Variants in E2F1 observed in about 807,000 individuals in gnomAD.
The protein encoded by E2F1 is E2F transcription factor 1.
E2F1 carries 7 observed loss-of-function variants against 36.9 expected under a neutral mutation model. The ratio of observed to expected loss-of-function variants is 0.19; its 90% CI spans 0.11 to 0.36. The LOEUF is 0.36. Among genes scored for constraint, E2F1 ranks in the 10% least tolerant of loss-of-function variants. The pLI is 1.00. For synonymous variants in E2F1, 261 were observed against 263.1 expected, an observed-to-expected ratio of 0.99 and a Z score of 0.08; for missense variants, 406 against 573.6, an observed-to-expected ratio of 0.71 and a Z score of 2.99.
rs551329528 is a variant in E2F1, at chr20:33,680,680, T to C, written c.262-264A>G. Among the ~76,000 whole-genome samples the C allele has an allele frequency of 3.9e-5, 6 of 152,314 alleles. No individual in the cohort carries two copies. The East Asian group carries it at 7.7e-4, about 20-fold the overall frequency. On this transcript the variant is annotated intron_variant, in intron 1 of 6. Transcript: ENST00000343380. ...TCTGATCCTTCTCCTTCAAAAGATA[T>C]AGCCTAATTCTCCCCTTATGAGCCA... is the stretch of plus-strand genomic sequence containing the variant.
chr20:33,685,306 A>G (rs1008603161), intron 1 of E2F1, among the ~76,000 whole-genome samples: 1 of 151,870 alleles, frequency 6.6e-6, no homozygotes, highest in African/African-American at 2.4e-5. Context: ...GGGGATCAGC[A>G]GCTGGTCCAG....
chr20:33,685,196 C>T (rs1321084462), intron 1 of E2F1, among the ~76,000 whole-genome samples: 1 of 152,186 alleles, frequency 6.6e-6, no homozygotes. Context: ...CCTAGTCCTT[C>T]TACAGAGACT....
chr20:33,677,389 G>C, intron 5 of E2F1, 37 bp downstream of exon 5: 1 of 1,611,638 alleles, frequency 6.2e-7, no homozygotes. Flanking sequence ...GCCCAGCCCA[G>C]CCCAGCCCAG....
rs1376698507 is a variant in E2F1 at position 33,676,655 on chromosome 20, A to T, written c.*77T>A. 4.7e-6 allele frequency: 7 copies of T among 1,504,250 alleles called. No homozygotes were observed. The East Asian group carries it at 1.6e-4, about 35-fold the overall frequency. The allele number at this position is 1,504,250 out of a possible 1,614,324, so 93.2% of individuals were successfully genotyped here. A position where few individuals can be genotyped will look rare whatever the true frequency, so the allele number is the denominator to read the frequency against. On this transcript the variant is annotated 3_prime_UTR_variant, in exon 7 of 7. Transcript: ENST00000343380. ...AAATGTTTCCAAACAGGCTGGGAGG[A>T]CGGCCAGGGACAGGGGGCTCCAGGG...
Position 33,686,249 on chromosome 20 carries a change from C to T in E2F1, c.16G>A (p.Ala6Thr). ...GGCGCGCATGGGCCGCCCGCAGGGG[C>T]CCCGGCCAAGGCCATGACGCTCACG... MALAG[A>T]PAGGPCAPAL... is the part of the protein sequence containing the mutation. The change falls in exon 1 of 7, where the codon GCC becomes ACC. Residue 6 changes from alanine (A) to threonine (T), a missense_variant. Ala to Thr is a moderately conservative substitution (Grantham distance 58). This residue lies in a region of E2F1 where 68 missense variants were observed against 74.3 expected (regional missense o/e 0.92). Coordinates refer to ENST00000343380, the MANE Select transcript of E2F1 (RefSeq NM_005225.3). The T allele has an allele frequency of 3.9e-6, 4 of 1,016,762 alleles. No individual in the cohort carries two copies. Among genetic ancestry groups the T allele is most frequent in the Non-Finnish European group, 4.7e-6 (4 of 852,082 alleles). 63.0% of individuals were successfully genotyped at this position (1,016,762 alleles called of 1,614,324 possible).
In E2F1 at chr20:33,678,231, C is replaced by A; in HGVS notation, c.695G>T (p.Arg232Leu). 6.2e-7 allele frequency: 1 copy of A among 1,613,652 alleles called. No individual in the cohort carries two copies. Among genetic ancestry groups the A allele is most frequent in the Non-Finnish European group, 8.5e-7 (1 of 1,179,812 alleles). Reference sequence around the variant, plus strand: ...GCTGTCAGTGTCCTCGGAGAGCAGGCGCAGCTGCGTAGTACAGATATTCAT... The same window carrying A: ...GCTGTCAGTGTCCTCGGAGAGCAGGAGCAGCTGCGTAGTACAGATATTCAT... ...HLMNICTTQL[R>L]LLSEDTDSQR... The change falls in exon 4 of 7, where the codon CGC (arginine) becomes CTC (leucine). Residue 232 changes from arginine (R) to leucine (L), a missense_variant. By Grantham distance (102) the Arg-to-Leu change is moderately radical (BLOSUM62 -2). This residue lies in a region of E2F1 where 93 missense variants were observed against 143.3 expected (regional missense o/e 0.65). Coordinates refer to ENST00000343380, the MANE Select transcript of E2F1 (RefSeq NM_005225.3).
rs778271263 is a variant in E2F1, at chr20:33,676,964, C to T, written c.1082G>A (p.Arg361Gln). 1.3e-5 allele frequency: 20 copies of T among 1,565,614 alleles called. No homozygotes were observed. Among genetic ancestry groups the T allele is most frequent in the Admixed American group, 7.4e-5 (4 of 54,086 alleles). The change falls in exon 7 of 7, where the codon CGG (arginine) becomes CAG (glutamine). Residue 361 changes from arginine to glutamine, a missense_variant. Coordinates refer to ENST00000343380, the MANE Select transcript of E2F1 (RefSeq NM_005225.3). Reference protein sequence around the residue: ...LSLEQEPLLSRMGSLRAPVDE... With the variant: ...LSLEQEPLLSQMGSLRAPVDE... ...CACGGGAGCCCGCAGGCTGCCCATC[C>T]GGGACAACAGCGGTTCTGGGGAGAC...
rs778884599 is a variant in E2F1, at chr20:33,677,236, G to A, written c.935C>T (p.Pro312Leu). 3.2e-5 allele frequency: 52 copies of A among 1,614,016 alleles called. No individual in the cohort carries two copies. The East Asian group carries it at 9.8e-4, about 30-fold the overall frequency. ...TVGGISPGKT[P>L]SQEVTSEEEN... ...CTCCTCAGAAGTGACCTCCTGGGAT[G>A]GGGTCTTCCCAGGGCTGATCCCACC... Residue 312 changes from proline to leucine, a missense_variant, in exon 6 of 7, where the codon CCA becomes CTA. Physicochemically the swap from Pro to Leu is moderately conservative, Grantham distance 98 (BLOSUM62 -3). This residue lies in a region of E2F1 where 163 missense variants were observed against 181.5 expected (regional missense o/e 0.90). Transcript: ENST00000343380.
chr20:33,679,610 C>T lies in E2F1; in HGVS notation c.572+145G>A. On this transcript the variant is annotated intron_variant, in intron 3 of 6. Coordinates refer to ENST00000343380, the MANE Select transcript of E2F1 (RefSeq NM_005225.3). This position sits in a 1 kb window ranked among gnomAD's most constrained non-coding sequence, Gnocchi z 4.6. ...GATTTGTGTGCTTTTTACCATCTATCATCTCAGGGAAGCTACCTCTCCTCT... is the reference window on the plus strand; with the variant it reads ...GATTTGTGTGCTTTTTACCATCTATTATCTCAGGGAAGCTACCTCTCCTCT... The T allele has an allele frequency of 1.4e-6, 1 of 702,376 alleles. No homozygotes were observed. Among genetic ancestry groups the T allele is most frequent in the Non-Finnish European group, 2.5e-6 (1 of 399,276 alleles). The allele number at this position is 702,376 out of a possible 1,614,324, so 43.5% of individuals were successfully genotyped here.
chr20:33,686,094 G>A lies in E2F1; in HGVS notation c.171C>T (p.Gly57=). The A allele has an allele frequency of 1.8e-6, 2 of 1,091,552 alleles. No individual in the cohort carries two copies. The highest frequency in any genetic ancestry group is 1.1e-6 in the Non-Finnish European group (1 of 900,386). The allele number at this position is 1,091,552 out of a possible 1,614,324, so 67.6% of individuals were successfully genotyped here. A position where few individuals can be genotyped will look rare whatever the true frequency, so the allele number is the denominator to read the frequency against. Residue 57 remains glycine, a synonymous_variant, in exon 1 of 7, where the codon GGC becomes GGT. Coordinates refer to ENST00000343380, the MANE Select transcript of E2F1 (RefSeq NM_005225.3). ...APTGPAAPAA[G]PCDPDLLLFA... ...AGAGCAGCAGGTCAGGGTCGCAGGG[G>A]CCGGCGGCGGGCGCCGCGGGGCCGG...
rs2122544008 is a variant in E2F1, at chr20:33,678,263, G to T, written c.663C>A (p.Asp221Glu). ...GCGTAGTACAGATATTCATCAGGTG[G>T]TCCAGCTGCTGCTCGCTCTCCTGCA... is the stretch of plus-strand genomic sequence containing the variant. ...RQLQESEQQL[D>E]HLMNICTTQL... is the part of the protein sequence containing the mutation. Residue 221 changes from aspartate to glutamate, a missense_variant, in exon 4 of 7, where the codon GAC becomes GAA. By Grantham distance (45) the Asp-to-Glu change is conservative (BLOSUM62 2). This residue lies in a region of E2F1 where 93 missense variants were observed against 143.3 expected (regional missense o/e 0.65). Coordinates refer to ENST00000343380, the MANE Select transcript of E2F1 (RefSeq NM_005225.3). 1 of 1,613,584 alleles carries T rather than the reference G, an allele frequency of 6.2e-7. No individual in the cohort carries two copies.
chr20:33,676,914 C>T lies in E2F1; in HGVS notation c.1132G>A (p.Val378Met), dbSNP rs371155232. ...TGCTCCAGGAGCGAGTCGGCCGCCA[C>T]CAGCGGGGACAGGCGGTCCTCGTCC... The part of the protein sequence containing the change: ...PVDEDRLSPL[V>M]AADSLLEHVR... Residue 378 changes from valine (V) to methionine (M), a missense_variant, in exon 7 of 7, where the codon GTG (valine) becomes ATG (methionine). Physicochemically the swap from Val to Met is conservative, Grantham distance 21 (BLOSUM62 1). This residue lies in a region of E2F1 where 163 missense variants were observed against 181.5 expected (regional missense o/e 0.90). Coordinates refer to ENST00000343380, the MANE Select transcript of E2F1 (RefSeq NM_005225.3). 2.8e-5 allele frequency: 44 copies of T among 1,568,920 alleles called. No homozygotes were observed. The African/African-American group carries it at 5.5e-4, about 20-fold the overall frequency.
In E2F1 at chr20:33,677,482, C is replaced by T. The variant is rs765506787; in HGVS notation, c.784G>A (p.Val262Ile). Residue 262 changes from valine (V) to isoleucine (I), a missense_variant, in exon 5 of 7, where the codon GTT becomes ATT. Val to Ile is a conservative substitution (Grantham distance 29, BLOSUM62 3). Coordinates refer to ENST00000343380, the MANE Select transcript of E2F1 (RefSeq NM_005225.3). ...RSIADPAEQM[V>I]MVIKAPPETQ... ...TCAGGAGGGGCTTTGATCACCATAACCATCTGCTCTGCAGGGTCTGCAATG... is the reference window on the plus strand; with the variant it reads ...TCAGGAGGGGCTTTGATCACCATAATCATCTGCTCTGCAGGGTCTGCAATG... The T allele has an allele frequency of 6.2e-7, 1 of 1,614,104 alleles. No individual in the cohort carries two copies. Among genetic ancestry groups the T allele is most frequent in the Non-Finnish European group, 8.5e-7 (1 of 1,180,006 alleles).
rs2017949187 is a variant in E2F1, at chr20:33,676,107, ACCCCACACCC to A, written c.*615_*624del. On this transcript the variant is annotated 3_prime_UTR_variant, in exon 7 of 7. Coordinates refer to ENST00000343380, the MANE Select transcript of E2F1 (RefSeq NM_005225.3). ...AAGGGTAGAGGGAGTTGGGGTATCA[ACCCCACACCC>A]CTCCTCCCCTTTGCTGATTCCCCAG... 1 of 152,392 alleles carries A rather than the reference ACCCCACACCC, an allele frequency of 6.6e-6. No homozygotes were observed. Among genetic ancestry groups the A allele is most frequent in the Admixed American group, 6.5e-5 (1 of 15,274 alleles). The allele number at this position is 152,392 out of a possible 1,614,324, so 9.4% of individuals were successfully genotyped here.
chr20:33,685,959 G>A (rs1175534220), intron 1 of E2F1, 45 bp downstream of exon 1: 12 of 1,116,906 alleles, frequency 1.1e-5, no homozygotes, highest in Non-Finnish European at 1.1e-5. Flanking sequence ...GTCTGCGCGG[G>A]GGGCACAGGC....
intron 1 of E2F1, among the ~76,000 whole-genome samples, chr20:33,683,344 G>A (rs879719071): frequency 3.3e-5 from 5 of 151,822 alleles, no homozygotes; most frequent in South Asian, 4.2e-4. Context: ...CCAGCTACTC[G>A]GGAGGCTGAG....
intron 1 of E2F1, among the ~76,000 whole-genome samples, chr20:33,685,240 T>C (rs1371346096): frequency 6.6e-6 from 1 of 152,040 alleles, no homozygotes; most frequent in Non-Finnish European, 1.5e-5. Context: ...TGAGGTTCCA[T>C]GGCAACCAGG....
intron 4 of E2F1, among the ~76,000 whole-genome samples, chr20:33,677,839 G>A (rs1339945125): frequency 6.6e-6 from 1 of 152,174 alleles, no homozygotes; most frequent in Non-Finnish European, 1.5e-5. Flanking sequence ...ATGTCACCCA[G>A]GCTGGAGTGA....
chr20:33,676,793 CCCT>C lies in E2F1; in HGVS notation c.1250_1252del (p.Glu417del). The C allele has an allele frequency of 6.2e-7, 1 of 1,604,856 alleles. No individual in the cohort carries two copies. The highest frequency in any genetic ancestry group is 1.1e-5 in the South Asian group (1 of 89,494). On this transcript the variant is annotated inframe_deletion, in exon 7 of 7. Transcript: ENST00000343380. The stretch of plus-strand genomic sequence containing the variant: ...GTCGAAGAGGTCTCTGATGCCCTCG[CCCT>C]CCTCGAGGCCGAAGTGGTAGTCGAG...
Sources: allele counts gnomAD v4.1 joint callset (sites outside exome capture counted in the v4.1 genomes callset), GRCh38; gene constraint gnomAD v4.1.1; regional missense constraint gnomAD v4.1.1; non-coding constraint Gnocchi (gnomAD v3.1); transcripts MANE v1.5; gene names NCBI Gene and HGNC (gene_info 2026-07-23, HGNC 2026-07-21).